TP53BP1: variants seen among roughly 807,000 people sequenced by gnomAD.
The protein encoded by TP53BP1 is tumor protein p53 binding protein 1, also known as TP53-binding protein 1.
In TP53BP1, 61 loss-of-function variants were observed where a neutral mutation model predicts 200.8. The ratio of observed to expected loss-of-function variants is 0.30; its 90% CI spans 0.25 to 0.38. TP53BP1 has a LOEUF of 0.38. Ranked by LOEUF, TP53BP1 falls within the 10% of genes least tolerant of loss-of-function variation. TP53BP1 has a pLI of 1.00. For missense variants in TP53BP1, 2,144 were observed against 2,371.9 expected, an observed-to-expected ratio of 0.90 and a Z score of 2.00; for synonymous variants, 822 against 844.3, an observed-to-expected ratio of 0.97 and a Z score of 0.46.
At chr15:43,445,747 C>G (rs2046027541) in intron 14 of TP53BP1, among the ~76,000 whole-genome samples, 1 of 152,168 alleles carries the variant, frequency 6.6e-6, no homozygotes, top group Non-Finnish European at 1.5e-5. Context: ...TGCCTACTCG[C>G]TCCTCAAATT....
intron 23 of TP53BP1, chr15:43,415,325 C>T: frequency 2.0e-6 from 1 of 497,762 alleles, no homozygotes; most frequent in Non-Finnish European, 3.7e-6. Context: ...TCTCCCACCT[C>T]AGCCTCCCCA....
At position 43,485,432 on chromosome 15, in the gene TP53BP1, C is replaced by T. The variant is rs1216685200; in HGVS notation, c.372-4410G>A. On this transcript the variant is annotated intron_variant, in intron 4 of 27. Transcript: ENST00000382044. ...CTCCACTAAAAATACAAAAAATTAG[C>T]CAGGCGTGGTAGCAGGTGCCTGTAG... is the stretch of plus-strand genomic sequence containing the variant. 2.6e-5 allele frequency among the ~76,000 whole-genome samples: 4 copies of T among 151,814 alleles called. No individual in the cohort carries two copies. In the East Asian group the frequency reaches 7.7e-4, roughly 29 times the overall value.
intron 1 of TP53BP1, among the ~76,000 whole-genome samples, chr15:43,502,941 C>CG (rs2079217077): frequency 6.6e-6 from 1 of 152,010 alleles, no homozygotes; most frequent in Admixed American, 6.6e-5. Flanking sequence ...TTAGTAGAGA[C>CG]GGGGTTTTGC....
At chr15:43,432,111 G>T in intron 17 of TP53BP1, 83 bp downstream of exon 17, 1 of 1,519,328 alleles carries the variant, frequency 6.6e-7, no homozygotes, top group Non-Finnish European at 8.9e-7. Context: ...TTGTCATTAG[G>T]CAGACATGCC....
chr15:43,471,909 C>T (rs2046735052), intron 10 of TP53BP1, among the ~76,000 whole-genome samples: 2 of 152,102 alleles, frequency 1.3e-5, no homozygotes, highest in Non-Finnish European at 2.9e-5. Context: ...TCATGTTATG[C>T]TTAGATTGAT....
At chr15:43,416,887 T>C (rs1194274098) in intron 21 of TP53BP1, 1 of 152,830 alleles carries the variant, frequency 6.5e-6, no homozygotes, top group African/African-American at 2.4e-5. Context: ...GTAGCAAAAT[T>C]AGAGAGCAAA....
intron 9 of TP53BP1, among the ~76,000 whole-genome samples, chr15:43,475,177 C>A (rs1430530430): frequency 1.3e-5 from 2 of 152,008 alleles, no homozygotes; most frequent in Non-Finnish European, 2.9e-5. Context: ...ACAAAAAAAA[C>A]CAACAAGCGA....
chr15:43,452,130 G>A (rs2046184552), intron 12 of TP53BP1, among the ~76,000 whole-genome samples: 2 of 152,008 alleles, frequency 1.3e-5, no homozygotes, highest in Non-Finnish European at 2.9e-5. Flanking sequence ...GCAAGACTCT[G>A]TTCCAAAAAA....
rs776534479 is a variant in TP53BP1, at chr15:43,502,617, A to ATT, written c.-9+7751_-9+7752dup. Among the ~76,000 whole-genome samples the ATT allele has an allele frequency of 1.8e-3, 252 of 137,982 alleles. 1 individual carries two copies. The highest frequency in any genetic ancestry group is 5.3e-3 in the African/African-American group (197 of 36,996). 90.5% of individuals were successfully genotyped at this position (137,982 alleles called of 152,430 possible). A position where few individuals can be genotyped will look rare whatever the true frequency, so the allele number is the denominator to read the frequency against. ...CTACAGGCGCCCGCCACCACGACCTATTTTTTTTTTTTTTGTATTTTTTAG... is the reference window on the plus strand; with the variant it reads ...CTACAGGCGCCCGCCACCACGACCTATTTTTTTTTTTTTTTTGTATTTTTTAG... On this transcript the variant is annotated intron_variant, in intron 1 of 27. Transcript: ENST00000263801.
intron 27 of TP53BP1, 30 bp downstream of exon 27, chr15:43,407,913 C>CAAAG (rs1247463753): frequency 6.3e-7 from 1 of 1,598,148 alleles, no homozygotes; most frequent in Non-Finnish European, 8.5e-7. Context: ...ATCCCTGGAA[C>CAAAG]AAAGACACTA....
chr15:43,420,077 C>T (rs896494963), intron 21 of TP53BP1, among the ~76,000 whole-genome samples: 2 of 152,220 alleles, frequency 1.3e-5, no homozygotes, highest in East Asian at 1.9e-4. Context: ...CTTTGTACTT[C>T]GCAAATTTTC....
chr15:43,506,740 A>G (rs2079239203), intron 1 of TP53BP1, among the ~76,000 whole-genome samples: 2 of 152,268 alleles, frequency 1.3e-5, no homozygotes, highest in Non-Finnish European at 2.9e-5. Context: ...TAGCCATCAA[A>G]CACTACTACC....
At chr15:43,435,664 T>G (rs560737586) in intron 16 of TP53BP1, among the ~76,000 whole-genome samples, 28 of 152,064 alleles carry the variant, frequency 1.8e-4, no homozygotes, top group African/African-American at 6.3e-4. Context: ...ATAATGAGCA[T>G]AGAAATTTAG....
intron 11 of TP53BP1, among the ~76,000 whole-genome samples, chr15:43,466,599 G>A (rs527960397): frequency 1.3e-5 from 2 of 152,296 alleles, no homozygotes; most frequent in East Asian, 1.9e-4. Context: ...ACATCTGTAT[G>A]TAATCCCAGC....
In TP53BP1 at chr15:43,456,450, C is replaced by T; in HGVS notation, c.2158G>A (p.Ala720Thr). The T allele has an allele frequency of 1.3e-6, 2 of 1,570,122 alleles. No individual in the cohort carries two copies. Among genetic ancestry groups the T allele is most frequent in the Non-Finnish European group, 1.7e-6 (2 of 1,163,398 alleles). The change falls in exon 12 of 28, where the codon GCT becomes ACT. Residue 720 changes from alanine (A) to threonine (T), a missense_variant. Coordinates refer to ENST00000382044, the MANE Select transcript of TP53BP1 (RefSeq NM_001141980.3). The part of the protein sequence containing the change: ...KEMPKKECSE[A>T]MEVETSVISI... The stretch of plus-strand genomic sequence containing the variant: ...ATCACACTGGTTTCAACTTCCATAG[C>T]TTCTGAGCATTCTTTTTTTGGCATT...
At chr15:43,488,838 G>A (rs1019174607) in intron 4 of TP53BP1, among the ~76,000 whole-genome samples, 4 of 152,102 alleles carry the variant, frequency 2.6e-5, no homozygotes, top group African/African-American at 4.8e-5. Context: ...AGGTTGCAGT[G>A]AGCCAAGATC....
At chr15:43,475,995 T>A (rs1252462475) in intron 8 of TP53BP1, among the ~76,000 whole-genome samples, 1 of 152,234 alleles carries the variant, frequency 6.6e-6, no homozygotes, top group Non-Finnish European at 1.5e-5. Context: ...ATGGGCGCAG[T>A]GGCTCACACC....
intron 4 of TP53BP1, among the ~76,000 whole-genome samples, chr15:43,482,052 C>G (rs1014085999): frequency 6.6e-6 from 1 of 150,700 alleles, no homozygotes; most frequent in Non-Finnish European, 1.5e-5. Flanking sequence ...ATGGTGAAAC[C>G]CCATCTCTAC....
intron 1 of TP53BP1, 135 bp from the exon 2 acceptor site, chr15:43,492,603 A>G (rs1595630689): frequency 1.5e-6 from 1 of 655,268 alleles, no homozygotes. Flanking sequence ...TTAGAATATT[A>G]TATTTATAAT....
Sources: gnomAD v4.1 joint callset for allele counts (sites outside exome capture counted in the v4.1 genomes callset) on GRCh38, gnomAD v4.1.1 for gene constraint, MANE v1.5 for transcripts, NCBI Gene and HGNC (gene_info 2026-07-23, HGNC 2026-07-21) for gene names.